PDE8B: variants seen among roughly 807,000 people sequenced by gnomAD.
PDE8B encodes the protein high affinity cAMP-specific and IBMX-insensitive 3',5'-cyclic phosphodiesterase 8B.
Under a neutral mutation model 101.3 loss-of-function variants are expected in PDE8B, and 26 were observed. The ratio of observed to expected loss-of-function variants is 0.26; its 90% CI spans 0.19 to 0.36. The LOEUF is 0.36. Among genes scored for constraint, PDE8B ranks in the 10% least tolerant of loss-of-function variants. The pLI, the probability that PDE8B is intolerant of heterozygous loss-of-function variation, is 1.00. For missense variants in PDE8B, 810 were observed against 1,163.1 expected, an observed-to-expected ratio of 0.70 and a Z score of 4.42; for synonymous variants, 424 against 429.3, an observed-to-expected ratio of 0.99 and a Z score of 0.15.
intron 1 of PDE8B, among the ~76,000 whole-genome samples, chr5:77,269,731 C>A (rs1762420654): frequency 6.6e-6 from 1 of 152,094 alleles, no homozygotes; most frequent in South Asian, 2.1e-4. Flanking sequence ...AAGAGATTGT[C>A]CTTTCTTCAA....
At chr5:77,158,226 A>G in the PDE8B span, among the ~76,000 whole-genome samples, 2 of 152,338 alleles carry the variant, frequency 1.3e-5, no homozygotes, top group South Asian at 4.1e-4. Flanking sequence ...AAGAAATGGA[A>G]GACAACGTGT....
At chr5:77,176,893 G>A in the PDE8B span, among the ~76,000 whole-genome samples, 1 of 152,170 alleles carries the variant, frequency 6.6e-6, no homozygotes, top group Non-Finnish European at 1.5e-5. Flanking sequence ...TGAGAGCAGA[G>A]CTTCACTATG....
chr5:77,227,457 A>G (rs1334719032), intron 1 of PDE8B, among the ~76,000 whole-genome samples: 2 of 152,158 alleles, frequency 1.3e-5, no homozygotes, highest in African/African-American at 4.8e-5. Context: ...TAATTCATGA[A>G]GTTTGGGTGG....
intron 10 of PDE8B, among the ~76,000 whole-genome samples, chr5:77,355,164 T>C (rs1375631256): frequency 6.6e-6 from 1 of 152,126 alleles, no homozygotes; most frequent in Non-Finnish European, 1.5e-5. Flanking sequence ...GACTTTAGGA[T>C]ACAGGGGTGG....
chr5:77,378,009 TACACACACACACACACACACAC>T (rs3031820), intron 10 of PDE8B, among the ~76,000 whole-genome samples: 31 of 134,392 alleles, frequency 2.3e-4, no homozygotes, highest in Non-Finnish European at 4.1e-4. Context: ...CCTCTCTCTC[TACACACACACACACACACACAC>T]ACACACACAC....
chr5:77,126,813 A>G, the PDE8B span, among the ~76,000 whole-genome samples: 1 of 152,234 alleles, frequency 6.6e-6, no homozygotes, highest in Non-Finnish European at 1.5e-5. Flanking sequence ...TCTGTCATAA[A>G]TACATAATCA....
chr5:77,107,513 T>C, the PDE8B span, among the ~76,000 whole-genome samples: 2 of 152,210 alleles, frequency 1.3e-5, no homozygotes, highest in African/African-American at 4.8e-5. Flanking sequence ...GTCTTTTCTT[T>C]ATTTTTCATG....
At chr5:77,332,073 G>A (rs576101747) in intron 5 of PDE8B, among the ~76,000 whole-genome samples, 2 of 152,280 alleles carry the variant, frequency 1.3e-5, no homozygotes, top group East Asian at 3.9e-4. Context: ...AATTAGATTG[G>A]AGGCAAAGCT....
At chr5:77,229,810 G>A (rs1454489893) in intron 1 of PDE8B, among the ~76,000 whole-genome samples, 3 of 152,184 alleles carry the variant, frequency 2.0e-5, no homozygotes, top group Non-Finnish European at 4.4e-5. Context: ...TCATTGTATG[G>A]ATATACTACA....
chr5:77,300,886 T>A (rs994519563), intron 1 of PDE8B, among the ~76,000 whole-genome samples: 1 of 152,258 alleles, frequency 6.6e-6, no homozygotes, highest in African/African-American at 2.4e-5. Context: ...TCTTGCCACA[T>A]AAGTGAAATT....
At chr5:77,308,819 TCCCC>T (rs1359914606) in intron 1 of PDE8B, among the ~76,000 whole-genome samples, 3 of 152,076 alleles carry the variant, frequency 2.0e-5, no homozygotes, top group African/African-American at 7.2e-5. Flanking sequence ...CGCCTGCCCT[TCCCC>T]GCCAGCCCAC....
At chr5:77,092,979 A>G in the PDE8B span, among the ~76,000 whole-genome samples, 6 of 152,184 alleles carry the variant, frequency 3.9e-5, no homozygotes, top group African/African-American at 1.2e-4. Context: ...AAGACATGCA[A>G]TTATGGAGCT....
Position 77,210,800 on chromosome 5 carries a change from A to G in PDE8B, c.-126A>G, listed in dbSNP as rs1385592023. ...CGGCCAGCCCGACGGAGCGGCGGAC[A>G]CACAGGCCGGGGGGCGCGCAGTCCG... On this transcript the variant is annotated 5_prime_UTR_variant, in exon 1 of 22. Coordinates refer to ENST00000264917, the MANE Select transcript of PDE8B (RefSeq NM_003719.5). This position sits in a 1 kb window ranked among gnomAD's most constrained non-coding sequence, Gnocchi z 4.9. 1.0e-6 allele frequency: 1 copy of G among 983,152 alleles called. No homozygotes were observed. The allele number at this position is 983,152 out of a possible 1,614,324, so 60.9% of individuals were successfully genotyped here. A position where few individuals can be genotyped will look rare whatever the true frequency, so the allele number is the denominator to read the frequency against.
chr5:77,120,138 T>C, the PDE8B span, among the ~76,000 whole-genome samples: 1 of 152,108 alleles, frequency 6.6e-6, no homozygotes, highest in African/African-American at 2.4e-5. Context: ...TATGGGTAAA[T>C]ATTAAAGCAT....
the PDE8B span, among the ~76,000 whole-genome samples, chr5:77,089,752 A>G: frequency 6.6e-6 from 1 of 152,202 alleles, no homozygotes; most frequent in Non-Finnish European, 1.5e-5. Context: ...TTCTCAGAAA[A>G]CTAAAGATAG....
At chr5:77,104,042 G>T in the PDE8B span, among the ~76,000 whole-genome samples, 3 of 152,194 alleles carry the variant, frequency 2.0e-5, no homozygotes, top group Non-Finnish European at 4.4e-5. Context: ...CCCTTTGGAA[G>T]CCTGGTGGCT....
At chr5:77,383,497 G>A (rs984469133) in intron 10 of PDE8B, among the ~76,000 whole-genome samples, 5 of 152,104 alleles carry the variant, frequency 3.3e-5, no homozygotes, top group Admixed American at 2.0e-4. Context: ...CTTCACTTTC[G>A]ACTAGTCTGA....
chr5:77,089,786 C>G, the PDE8B span, among the ~76,000 whole-genome samples: 1 of 152,172 alleles, frequency 6.6e-6, no homozygotes, highest in Non-Finnish European at 1.5e-5. Flanking sequence ...TCCATCAATT[C>G]CACCACTGGT....
At chr5:77,266,640 A>G (rs532372715) in intron 1 of PDE8B, among the ~76,000 whole-genome samples, 5 of 152,208 alleles carry the variant, frequency 3.3e-5, no homozygotes, top group African/African-American at 1.2e-4. Context: ...TGAAGAGAAT[A>G]CCTCCTGTGA....
Sources: allele counts gnomAD v4.1 joint callset (sites outside exome capture counted in the v4.1 genomes callset), GRCh38; gene constraint gnomAD v4.1.1; non-coding constraint Gnocchi (gnomAD v3.1); transcripts MANE v1.5; gene names NCBI Gene and HGNC (gene_info 2026-07-23, HGNC 2026-07-21).